The following CEP112 variants were observed in gnomAD, a reference collection of about 807,000 sequenced individuals.
CEP112 encodes centrosomal protein 112, also known as centrosomal protein of 112 kDa.
A neutral mutation model predicts 153.0 loss-of-function variants in CEP112; 127 were observed. The observed-to-expected ratio is 0.83, with a 90% confidence interval of 0.72 to 0.96. CEP112 has a LOEUF of 0.96. Ranked by LOEUF, CEP112 falls within the 40% of genes least tolerant of loss-of-function variation. The probability of loss-of-function intolerance (pLI) is 0.00; values close to 1 mark genes in which losing one functional copy is unlikely to be tolerated. For missense variants in CEP112, 1,089 were observed against 1,101.2 expected (o/e 0.99, Z 0.16); for synonymous variants, 358 against 374.4 (o/e 0.96, Z 0.51).
At chr17:65,997,394 A>T (rs2063829224) in intron 17 of CEP112, among the ~76,000 whole-genome samples, 2 of 152,158 alleles carry the variant, frequency 1.3e-5, no homozygotes, top group African/African-American at 4.8e-5. Context: ...TCCATTTATT[A>T]TATGAAATAC....
intron 21 of CEP112, among the ~76,000 whole-genome samples, chr17:65,804,642 T>C (rs1413797281): frequency 1.3e-5 from 2 of 152,126 alleles, no homozygotes; most frequent in Non-Finnish European, 2.9e-5. Flanking sequence ...TTATTTAAAA[T>C]GCATTATATA....
rs78162179 is a variant in CEP112, at chr17:65,825,332, A to C, written c.2394+26472T>G. On this transcript the variant is annotated intron_variant, in intron 21 of 26. Transcript: ENST00000535342. ...TCATGGAAGACAACATTTCCACAGGATGAGGGTAGAAGGATGGTTTTGGGA... is the reference window on the plus strand; with the variant it reads ...TCATGGAAGACAACATTTCCACAGGCTGAGGGTAGAAGGATGGTTTTGGGA... Among the ~76,000 whole-genome samples, 17 of 152,264 alleles carry C rather than the reference A, an allele frequency of 1.1e-4. No individual in the cohort carries two copies. In the East Asian group the frequency reaches 2.9e-3, roughly 26 times the overall value.
At chr17:66,139,020 T>C (rs1568537203) in intron 4 of CEP112, among the ~76,000 whole-genome samples, 1 of 151,442 alleles carries the variant, frequency 6.6e-6, no homozygotes, top group Non-Finnish European at 1.5e-5. Flanking sequence ...AAAGCTTATA[T>C]TAAAAAAGAA....
chr17:65,769,839 T>C lies in CEP112; in HGVS notation c.2395-19115A>G, dbSNP rs561270748. 1.5e-3 allele frequency among the ~76,000 whole-genome samples: 227 copies of C among 152,120 alleles called. 2 individuals carry two copies. The highest frequency in any genetic ancestry group is 4.8e-3 in the African/African-American group (201 of 41,532). ...GATAAATATAAAAAATGCTGATCAG[T>C]TTTTTTCCTGCTTTTTACTTGTTGT... is the stretch of plus-strand genomic sequence containing the variant. On this transcript the variant is annotated intron_variant, in intron 21 of 26. Transcript: ENST00000535342.
chr17:65,985,207 G>A (rs1414021293), intron 17 of CEP112, among the ~76,000 whole-genome samples: 4 of 152,142 alleles, frequency 2.6e-5, no homozygotes, highest in African/African-American at 9.7e-5. Flanking sequence ...AGTGTTGAAA[G>A]GACCAATGTA....
intron 23 of CEP112, among the ~76,000 whole-genome samples, chr17:65,699,844 C>T (rs1425287128): frequency 1.3e-5 from 2 of 152,166 alleles, no homozygotes; most frequent in Non-Finnish European, 2.9e-5. Context: ...CCTTATTTCT[C>T]CCCCATTAGT....
chr17:65,913,251 G>T (rs549346999), intron 19 of CEP112, among the ~76,000 whole-genome samples: 1 of 152,136 alleles, frequency 6.6e-6, no homozygotes, highest in African/African-American at 2.4e-5. Context: ...TTCACAGACT[G>T]ATTTTATATC....
chr17:65,705,529 A>G (rs2048870488), intron 23 of CEP112, among the ~76,000 whole-genome samples: 1 of 152,246 alleles, frequency 6.6e-6, no homozygotes, highest in Non-Finnish European at 1.5e-5. Context: ...AAGGACAAAA[A>G]GCAGGAGAGC....
intron 4 of CEP112, among the ~76,000 whole-genome samples, chr17:66,135,608 A>T (rs2070398786): frequency 6.6e-6 from 1 of 152,248 alleles, no homozygotes; most frequent in East Asian, 1.9e-4. Context: ...GGATGCCAAA[A>T]CCAACATGGA....
chr17:65,861,334 A>G (rs1418233393), intron 20 of CEP112, among the ~76,000 whole-genome samples: 1 of 152,216 alleles, frequency 6.6e-6, no homozygotes, highest in Non-Finnish European at 1.5e-5. Context: ...AAAATATGGG[A>G]GATGGCTTTA....
At chr17:65,676,072 T>G (rs2047220207) in intron 24 of CEP112, among the ~76,000 whole-genome samples, 1 of 152,142 alleles carries the variant, frequency 6.6e-6, no homozygotes, top group Admixed American at 6.5e-5. Flanking sequence ...GGCGCAGTGG[T>G]TCACGTAGCA....
At chr17:65,770,641 CAAT>C (rs2145504481) in intron 21 of CEP112, among the ~76,000 whole-genome samples, 1 of 151,860 alleles carries the variant, frequency 6.6e-6, no homozygotes, top group Admixed American at 6.6e-5. Flanking sequence ...ATATTTAAAG[CAAT>C]AATAACAAAT....
intron 20 of CEP112, among the ~76,000 whole-genome samples, chr17:65,867,273 C>T (rs1290665618): frequency 6.6e-6 from 1 of 152,208 alleles, no homozygotes; most frequent in Non-Finnish European, 1.5e-5. Context: ...CATGCTCGCT[C>T]ACATACTATT....
At chr17:66,072,890 T>C (rs1036850330) in intron 8 of CEP112, among the ~76,000 whole-genome samples, 2 of 152,108 alleles carry the variant, frequency 1.3e-5, no homozygotes, top group Non-Finnish European at 2.9e-5. Flanking sequence ...GATTAGAATA[T>C]AGAAACAATC....
intron 23 of CEP112, among the ~76,000 whole-genome samples, chr17:65,718,640 A>G (rs908959166): frequency 3.3e-5 from 5 of 152,232 alleles, no homozygotes; most frequent in African/African-American, 1.2e-4. Context: ...GTTTATGCTT[A>G]TTGATAAAAT....
At chr17:66,100,272 AG>A (rs2068513906) in intron 6 of CEP112, among the ~76,000 whole-genome samples, 1 of 151,614 alleles carries the variant, frequency 6.6e-6, no homozygotes, top group African/African-American at 2.4e-5. Context: ...TGGTGGTGGC[AG>A]CCTGTAGTCC....
chr17:65,708,234 T>A (rs1210991548), intron 23 of CEP112, among the ~76,000 whole-genome samples: 1 of 152,150 alleles, frequency 6.6e-6, no homozygotes, highest in Non-Finnish European at 1.5e-5. Context: ...TTCTCAAAAA[T>A]TCTATTTCCC....
intron 8 of CEP112, among the ~76,000 whole-genome samples, chr17:66,075,989 A>G (rs2067479395): frequency 6.6e-6 from 1 of 152,184 alleles, no homozygotes; most frequent in Admixed American, 6.5e-5. Context: ...CCTTACCCAC[A>G]GCTGGGTCAA....
At chr17:65,931,740 C>T (rs938275439) in intron 18 of CEP112, among the ~76,000 whole-genome samples, 10 of 152,344 alleles carry the variant, frequency 6.6e-5, no homozygotes, top group African/African-American at 2.4e-4. Context: ...CATACTTCCC[C>T]AGGCTCAGAG....
Sources: gnomAD v4.1 joint callset for allele counts (sites outside exome capture counted in the v4.1 genomes callset) on GRCh38, gnomAD v4.1.1 for gene constraint, MANE v1.5 for transcripts, NCBI Gene and HGNC (gene_info 2026-07-23, HGNC 2026-07-21) for gene names.